The following PCDHA1 variants were observed in gnomAD, a reference collection of about 807,000 sequenced individuals.
PCDHA1 encodes the protein protocadherin alpha-1.
A neutral mutation model predicts 61.3 loss-of-function variants in PCDHA1; 42 were observed. The ratio of observed to expected loss-of-function variants is 0.69; its 90% confidence interval spans 0.54 to 0.89. The LOEUF is 0.89. Ranked by LOEUF, PCDHA1 falls within the 40% of genes least tolerant of loss-of-function variation. The pLI is 0.00. For missense variants in PCDHA1, 1,256 were observed against 1,235.3 expected (o/e 1.02, Z -0.25); for synonymous variants, 610 against 553.8 (o/e 1.10, Z -1.43).
chr5:140,840,869 C>T (rs1554137936), intron 1 of PCDHA1, among the ~76,000 whole-genome samples: 1 of 151,888 alleles, frequency 6.6e-6, no homozygotes, highest in Admixed American at 6.5e-5. Flanking sequence ...CTATGGAGGA[C>T]AGTTTACATT....
At position 140,892,381 on chromosome 5, in the gene PCDHA1, G is replaced by A. The variant is rs534818455; in HGVS notation, c.2395-86568G>A. Among the ~76,000 whole-genome samples the A allele has an allele frequency of 2.6e-5, 4 of 152,070 alleles. No individual in the cohort carries two copies. The South Asian group carries it at 8.3e-4, about 32-fold the overall frequency. On this transcript the variant is annotated intron_variant, in intron 1 of 3. Coordinates refer to ENST00000504120, the MANE Select transcript of PCDHA1 (RefSeq NM_018900.4). ...GCATCTTGGGGCACTAGCAATCATG[G>A]GTAATCTTAATCTATTTCAAGCTTC...
chr5:140,974,419 C>T (rs998974699), intron 1 of PCDHA1, among the ~76,000 whole-genome samples: 1 of 152,208 alleles, frequency 6.6e-6, no homozygotes, highest in African/African-American at 2.4e-5. Flanking sequence ...GTTTATTTTA[C>T]TTTCCTGGTT....
At position 140,870,714 on chromosome 5, in the gene PCDHA1, C is replaced by A. The variant is rs2052324296; in HGVS notation, c.2394+82030C>A. On this transcript the variant is annotated intron_variant, in intron 1 of 3. Transcript: ENST00000504120. ...TGCTACAGTTCCAGGTGAGCGCGCG[C>A]GATGCGGGCGTGCCGCCTCTGAGCA... 6 of 1,612,992 alleles carry A rather than the reference C, an allele frequency of 3.7e-6. No individual in the cohort carries two copies. The African/African-American group carries it at 4.0e-5, about 11-fold the overall frequency.
intron 1 of PCDHA1, chr5:140,841,237 C>A (rs1428420937): frequency 1.4e-5 from 21 of 1,479,664 alleles, no homozygotes; most frequent in Non-Finnish European, 1.9e-5. Context: ...GGAGATGCAG[C>A]GGAATTGGAT....
intron 1 of PCDHA1, chr5:140,869,536 T>G: frequency 6.2e-7 from 1 of 1,614,170 alleles, no homozygotes; most frequent in Non-Finnish European, 8.5e-7. Flanking sequence ...GATTGCGGAA[T>G]CTAAGCAATC....
intron 1 of PCDHA1, among the ~76,000 whole-genome samples, chr5:140,855,588 A>G (rs924591016): frequency 6.7e-6 from 1 of 149,870 alleles, no homozygotes; most frequent in Non-Finnish European, 1.5e-5. Flanking sequence ...AAATATTAGT[A>G]TACTCAGTAG....
chr5:140,857,560 G>C, intron 1 of PCDHA1: 1 of 1,596,914 alleles, frequency 6.3e-7, no homozygotes, highest in Non-Finnish European at 8.6e-7. Flanking sequence ...GCTCGCTGTC[G>C]AGCTACGTGT....
At chr5:140,858,085 G>A (rs782551513) in intron 1 of PCDHA1, 1 of 1,597,828 alleles carries the variant, frequency 6.3e-7, no homozygotes, top group Non-Finnish European at 8.6e-7. Context: ...AGGCCTCGTC[G>A]CGGGCTTCAG....
chr5:140,796,155 G>T (rs782065260), intron 1 of PCDHA1: 1 of 1,614,082 alleles, frequency 6.2e-7, no homozygotes, highest in East Asian at 2.2e-5. Flanking sequence ...CTTTCAAGCT[G>T]GTGTCCACCT....
At chr5:140,822,882 T>C (rs1554128937) in intron 1 of PCDHA1, 45 of 1,614,098 alleles carry the variant, frequency 2.8e-5, no homozygotes, top group Non-Finnish European at 3.7e-5. Context: ...CGGTCATTGC[T>C]CTGATCAGCG....
chr5:141,010,199 T>G lies in PCDHA1; in HGVS notation c.*262T>G. On this transcript the variant is annotated 3_prime_UTR_variant, in exon 4 of 4. Coordinates refer to ENST00000504120, the MANE Select transcript of PCDHA1 (RefSeq NM_018900.4). Reference sequence around the variant, plus strand: ...AAGCAGACCCAAGTTTCCTTTCTCCTCCGCCGCAAAGGAGAGGCTTCCCAG... The same window carrying G: ...AAGCAGACCCAAGTTTCCTTTCTCCGCCGCCGCAAAGGAGAGGCTTCCCAG... The G allele has an allele frequency of 1.3e-6, 2 of 1,551,990 alleles. No homozygotes were observed. Among genetic ancestry groups the G allele is most frequent in the South Asian group, 1.2e-5 (1 of 84,106 alleles).
At chr5:140,898,059 G>C (rs372963837) in intron 1 of PCDHA1, among the ~76,000 whole-genome samples, 2 of 151,948 alleles carry the variant, frequency 1.3e-5, no homozygotes, top group Non-Finnish European at 1.5e-5. Flanking sequence ...TTGTAAATTT[G>C]TTTGAGTTCA....
In PCDHA1 at chr5:140,806,026, T is replaced by C. The variant is rs545736879; in HGVS notation, c.2394+17342T>C. 3.3e-5 allele frequency among the ~76,000 whole-genome samples: 5 copies of C among 152,270 alleles called. No individual in the cohort carries two copies. In the East Asian group the frequency reaches 9.6e-4, roughly 29 times the overall value. On this transcript the variant is annotated intron_variant, in intron 1 of 3. Transcript: ENST00000504120. ...CACATACTCAAATGCTTATAAGAGA[T>C]AAATTAATGTAATAAATGGCCCACG...
At chr5:140,841,772 C>G (rs1359107093) in intron 1 of PCDHA1, 2 of 1,613,876 alleles carry the variant, frequency 1.2e-6, no homozygotes, top group Admixed American at 3.3e-5. Flanking sequence ...GCCAGACTCT[C>G]GGTTTCCGCT....
At chr5:140,840,473 G>T (rs1487904967) in intron 1 of PCDHA1, among the ~76,000 whole-genome samples, 1 of 151,942 alleles carries the variant, frequency 6.6e-6, no homozygotes, top group African/African-American at 2.4e-5. Flanking sequence ...GGGGAAAAAA[G>T]TTTAAAGGCA....
chr5:140,966,998 C>G, intron 1 of PCDHA1: 1 of 1,604,774 alleles, frequency 6.2e-7, no homozygotes. Context: ...GGGTTGCTTG[C>G]GCATCAACCA....
chr5:140,835,745 G>T (rs781786218), intron 1 of PCDHA1: 2 of 1,613,472 alleles, frequency 1.2e-6, no homozygotes, highest in Non-Finnish European at 1.7e-6. Flanking sequence ...ACGCCCCGGC[G>T]TTCGCGCAGC....
intron 1 of PCDHA1, among the ~76,000 whole-genome samples, chr5:140,961,978 G>T (rs1336878095): frequency 6.6e-6 from 1 of 151,828 alleles, no homozygotes; most frequent in Non-Finnish European, 1.5e-5. Context: ...CCGCCTCCTG[G>T]GTTCACGCCA....
chr5:140,869,730 T>G (rs1319130298), intron 1 of PCDHA1: 24 of 1,613,274 alleles, frequency 1.5e-5, no homozygotes, highest in Non-Finnish European at 2.0e-5. Context: ...CGGAACTTAA[T>G]TTGCTGCTAA....
Sources: gnomAD v4.1 joint callset for allele counts (sites outside exome capture counted in the v4.1 genomes callset) on GRCh38, gnomAD v4.1.1 for gene constraint, MANE v1.5 for transcripts, NCBI Gene and HGNC (gene_info 2026-07-23, HGNC 2026-07-21) for gene names.